The following RSU1 variants were observed in gnomAD, a reference collection of about 807,000 sequenced individuals.
RSU1 encodes Ras suppressor protein 1.
Under a neutral mutation model 31.1 loss-of-function variants are expected in RSU1, and 26 were observed. The observed-to-expected ratio is 0.84, with a 90% CI of 0.61 to 1.16. The LOEUF (loss-of-function observed/expected upper bound fraction) is 1.16, where lower values mean the gene tolerates loss of function less well. Among genes scored for constraint, RSU1 ranks in the 50% most tolerant of loss-of-function variants. RSU1 has a pLI of 0.00. For synonymous variants in RSU1, 164 were observed against 136.3 expected (o/e 1.20, Z -1.41); for missense variants, 320 against 339.1 (o/e 0.94, Z 0.44).
intron 2 of RSU1, among the ~76,000 whole-genome samples, chr10:16,787,735 T>A (rs797003038): frequency 1.3e-5 from 2 of 152,166 alleles, no homozygotes; most frequent in East Asian, 3.8e-4. Flanking sequence ...TCTTCCTTCA[T>A]CTCCTGCCAT....
intron 8 of RSU1, among the ~76,000 whole-genome samples, chr10:16,691,819 A>T (rs1588717891): frequency 6.9e-6 from 1 of 144,770 alleles, no homozygotes; most frequent in South Asian, 2.2e-4. Context: ...ACTCACTGCA[A>T]CCTCCACCTC....
chr10:16,596,625 TCA>T (rs910885958), intron 8 of RSU1, among the ~76,000 whole-genome samples: 4 of 152,224 alleles, frequency 2.6e-5, no homozygotes, highest in African/African-American at 9.6e-5. Flanking sequence ...CCTTCCAGCC[TCA>T]GAGATCTTTC....
chr10:16,783,442 G>A (rs890478835), intron 2 of RSU1, among the ~76,000 whole-genome samples: 16 of 141,560 alleles, frequency 1.1e-4, no homozygotes, highest in African/African-American at 2.5e-4. Context: ...TGCAATTTCC[G>A]CCTCCCAAGT....
intron 7 of RSU1, among the ~76,000 whole-genome samples, chr10:16,742,599 C>A (rs1305633976): frequency 6.6e-6 from 1 of 151,568 alleles, no homozygotes; most frequent in Non-Finnish European, 1.5e-5. Context: ...TAGAGACATG[C>A]CTCTGGAATT....
chr10:16,813,600 C>T (rs1417222688), intron 2 of RSU1, among the ~76,000 whole-genome samples: 9 of 152,278 alleles, frequency 5.9e-5, no homozygotes, highest in African/African-American at 1.9e-4. Context: ...CTTAGGCTAC[C>T]AATTATTAAG....
intron 8 of RSU1, among the ~76,000 whole-genome samples, chr10:16,594,562 C>T (rs1833573874): frequency 6.7e-6 from 1 of 149,584 alleles, no homozygotes; most frequent in African/African-American, 2.5e-5. Flanking sequence ...AGATATATGC[C>T]ACCATGCCTA....
At chr10:16,619,545 A>T (rs914143757) in intron 8 of RSU1, among the ~76,000 whole-genome samples, 5 of 152,222 alleles carry the variant, frequency 3.3e-5, no homozygotes, top group Non-Finnish European at 7.3e-5. Context: ...TCCCATCAGT[A>T]GGTATCTTCA....
At chr10:16,754,545 AC>A (rs1207461733) in intron 5 of RSU1, among the ~76,000 whole-genome samples, 3 of 134,706 alleles carry the variant, frequency 2.2e-5, no homozygotes, top group East Asian at 2.1e-4. Context: ...ATAGGAAGAT[AC>A]TTTTTTTTTT....
chr10:16,703,983 G>C (rs1338771408), intron 7 of RSU1, among the ~76,000 whole-genome samples: 1 of 133,762 alleles, frequency 7.5e-6, no homozygotes, highest in Non-Finnish European at 1.8e-5. Context: ...CATAGGTCTT[G>C]GGTGAAGCCC....
chr10:16,815,545 T>C (rs1047382721), intron 2 of RSU1, among the ~76,000 whole-genome samples: 1 of 152,200 alleles, frequency 6.6e-6, no homozygotes. Flanking sequence ...CATCATTCTT[T>C]CATTTTCTTC....
intron 8 of RSU1, among the ~76,000 whole-genome samples, chr10:16,677,362 G>T (rs1588709622): frequency 6.6e-6 from 1 of 152,262 alleles, no homozygotes; most frequent in African/African-American, 2.4e-5. Flanking sequence ...GAACACAGAA[G>T]TCAATAAATG....
At chr10:16,707,423 G>A (rs1343522337) in intron 7 of RSU1, among the ~76,000 whole-genome samples, 2 of 152,092 alleles carry the variant, frequency 1.3e-5, no homozygotes, top group Non-Finnish European at 2.9e-5. Context: ...CATGCTAACT[G>A]GAGTGAGGTG....
intron 7 of RSU1, among the ~76,000 whole-genome samples, chr10:16,750,450 A>G (rs1382597478): frequency 6.6e-6 from 1 of 152,240 alleles, no homozygotes; most frequent in Non-Finnish European, 1.5e-5. Context: ...CCTTACAGAA[A>G]TGTTGAACAA....
intron 8 of RSU1, among the ~76,000 whole-genome samples, chr10:16,656,864 G>C (rs1834792723): frequency 6.6e-6 from 1 of 152,146 alleles, no homozygotes; most frequent in Admixed American, 6.5e-5. Flanking sequence ...TTCCACTATT[G>C]AATCAACAAA....
At chr10:16,797,925 A>G (rs1309348852) in intron 2 of RSU1, among the ~76,000 whole-genome samples, 2 of 140,066 alleles carry the variant, frequency 1.4e-5, no homozygotes, top group Non-Finnish European at 3.0e-5. Context: ...GGAGCGGGGC[A>G]ATCTCGGCTC....
At chr10:16,612,916 C>A in intron 8 of RSU1, among the ~76,000 whole-genome samples, 1 of 151,102 alleles carries the variant, frequency 6.6e-6, no homozygotes, top group East Asian at 2.0e-4. Context: ...GGTTATTTGT[C>A]CCCTTAATTT....
intron 7 of RSU1, among the ~76,000 whole-genome samples, chr10:16,716,663 G>A (rs181998019): frequency 3.9e-5 from 6 of 152,000 alleles, no homozygotes; most frequent in African/African-American, 7.2e-5. Flanking sequence ...CTATAACCAC[G>A]TATACAAATA....
chr10:16,731,885 T>C (rs1332655786), intron 7 of RSU1, among the ~76,000 whole-genome samples: 1 of 152,138 alleles, frequency 6.6e-6, no homozygotes, highest in Non-Finnish European at 1.5e-5. Context: ...GTGGTTAAGA[T>C]AAGCCGATAT....
chr10:16,671,524 C>T (rs1431947614), intron 8 of RSU1, among the ~76,000 whole-genome samples: 1 of 152,052 alleles, frequency 6.6e-6, no homozygotes, highest in Admixed American at 6.5e-5. Context: ...TCTGAGTTCA[C>T]TGTATCCTTA....
Sources: allele counts gnomAD v4.1 joint callset (sites outside exome capture counted in the v4.1 genomes callset), GRCh38; gene constraint gnomAD v4.1.1; transcripts MANE v1.5; gene names NCBI Gene and HGNC (gene_info 2026-07-23, HGNC 2026-07-21).